Variants in ARID2 observed in about 807,000 individuals in gnomAD.
ARID2 encodes the protein AT-rich interaction domain 2.
In ARID2, 32 loss-of-function variants were observed where a neutral mutation model predicts 184.6. The observed-to-expected ratio is 0.17, with a 90% CI of 0.13 to 0.23. The LOEUF is 0.23. ARID2 is among the 10% of genes least tolerant of loss of function. ARID2 has a pLI of 1.00. For missense variants in ARID2, 1,696 were observed against 2,197.6 expected (o/e 0.77, Z 4.56); for synonymous variants, 836 against 772.6 (o/e 1.08, Z -1.36).
intron 3 of ARID2, among the ~76,000 whole-genome samples, chr12:45,788,710 G>C (rs538437301): frequency 3.9e-5 from 6 of 152,150 alleles, no homozygotes; most frequent in Admixed American, 2.6e-4. Context: ...TTTCCCAGCA[G>C]TGAGAGATGG....
At chr12:45,759,174 ATATTG>A (rs1941627914) in intron 3 of ARID2, among the ~76,000 whole-genome samples, 2 of 152,170 alleles carry the variant, frequency 1.3e-5, no homozygotes, top group Admixed American at 1.3e-4. Context: ...CTTTTTAAGT[ATATTG>A]TATTCTAGTT....
chr12:45,811,383 T>G (rs2138082246), intron 3 of ARID2, 35 bp from the exon 4 acceptor site: 3 of 1,586,826 alleles, frequency 1.9e-6, no homozygotes, highest in Non-Finnish European at 2.6e-6. Flanking sequence ...ATAAATCTAT[T>G]TTTAAATGTT....
At chr12:45,840,565 T>C (rs1353330403) in intron 11 of ARID2, 1 of 152,158 alleles carries the variant, frequency 6.6e-6, no homozygotes, top group East Asian at 1.9e-4. Flanking sequence ...AGGTCTCTTA[T>C]CCTCCCTCGC....
intron 16 of ARID2, among the ~76,000 whole-genome samples, chr12:45,877,792 A>G (rs957223062): frequency 6.6e-6 from 1 of 152,168 alleles, no homozygotes; most frequent in Non-Finnish European, 1.5e-5. Context: ...AGAAAAAGAA[A>G]TATTTTGCTT....
chr12:45,796,779 A>T (rs1037478683), intron 3 of ARID2, among the ~76,000 whole-genome samples: 2 of 152,108 alleles, frequency 1.3e-5, no homozygotes, highest in Non-Finnish European at 2.9e-5. Flanking sequence ...TCCCAGAGTG[A>T]ATACTGATGT....
chr12:45,796,881 G>A (rs1565599598), intron 3 of ARID2, among the ~76,000 whole-genome samples: 1 of 152,116 alleles, frequency 6.6e-6, no homozygotes, highest in East Asian at 1.9e-4. Context: ...TGTTTTTAAT[G>A]CTTTTATAGA....
At chr12:45,745,763 G>A (rs55671495) in intron 3 of ARID2, among the ~76,000 whole-genome samples, 3,590 of 152,188 alleles carry the variant, frequency 0.024, 157 homozygotes, top group African/African-American at 0.082. Flanking sequence ...TGGCCAGGCT[G>A]TTCTCGAACT....
chr12:45,745,231 GTAGT>G (rs1284557151), intron 3 of ARID2, among the ~76,000 whole-genome samples: 2 of 152,206 alleles, frequency 1.3e-5, no homozygotes, highest in African/African-American at 4.8e-5. Context: ...CAAGAAGTGT[GTAGT>G]TAGCTATAAT....
Position 45,857,592 on chromosome 12 carries a change from C to T in ARID2, c.4774-3209C>T, listed in dbSNP as rs1361521175. Among the ~76,000 whole-genome samples, 8 of 152,076 alleles carry T rather than the reference C, an allele frequency of 5.3e-5. 1 individual carries two copies. The East Asian group carries it at 1.5e-3, about 29-fold the overall frequency. ...TTAAGAAAATGAGGAAATGTTAGAG[C>T]TGAAGGGTCTCTGATATTATATCTT... On this transcript the variant is annotated intron_variant, in intron 15 of 20. Coordinates refer to ENST00000334344, the MANE Select transcript of ARID2 (RefSeq NM_152641.4).
intron 16 of ARID2, among the ~76,000 whole-genome samples, chr12:45,888,321 C>G (rs1944232453): frequency 6.6e-6 from 1 of 152,104 alleles, no homozygotes; most frequent in Admixed American, 6.6e-5. Context: ...AAGACAAGCT[C>G]TAAAATAAGA....
rs118067305 is a variant in ARID2 at position 45,782,486 on chromosome 12, G to A, written c.285-28932G>A. ...GTCTCTACTGAAAATACAAAAATTA[G>A]GTGGGCATGTTGTCAGATGCCTGCA... is the stretch of plus-strand genomic sequence containing the variant. On this transcript the variant is annotated intron_variant, in intron 3 of 20. Coordinates refer to ENST00000334344, the MANE Select transcript of ARID2 (RefSeq NM_152641.4). Among the ~76,000 whole-genome samples, 358 of 152,076 alleles carry A rather than the reference G, an allele frequency of 2.4e-3. 8 individuals carry two copies. The East Asian group carries it at 0.057, about 24-fold the overall frequency.
Position 45,851,981 on chromosome 12 carries a change from T to G in ARID2, c.3858T>G (p.Asn1286Lys), listed in dbSNP as rs2138175074. The change falls in exon 15 of 21, where the codon AAT becomes AAG. Residue 1286 changes from asparagine (N) to lysine (K), a missense_variant. Transcript: ENST00000334344. ...TNTSNGDTKE[N>K]EMHVGSLLNG... is the part of the protein sequence containing the mutation. ...CCAGCAATGGGGATACAAAGGAAAA[T>G]GAAATGCATGTGGGAAGTCTTTTAA... The G allele has an allele frequency of 6.2e-7, 1 of 1,612,154 alleles. No individual in the cohort carries two copies. Among genetic ancestry groups the G allele is most frequent in the Non-Finnish European group, 8.5e-7 (1 of 1,179,160 alleles).
At chr12:45,789,808 T>A (rs1942261866) in intron 3 of ARID2, among the ~76,000 whole-genome samples, 1 of 152,136 alleles carries the variant, frequency 6.6e-6, no homozygotes, top group Admixed American at 6.5e-5. Context: ...TTGAACCAAG[T>A]AATATATTTT....
chr12:45,828,601 C>G (rs1424138864), intron 6 of ARID2, among the ~76,000 whole-genome samples: 3 of 152,004 alleles, frequency 2.0e-5, no homozygotes, highest in Non-Finnish European at 4.4e-5. Flanking sequence ...ATGTCGGTTC[C>G]AGTTCCTCGT....
chr12:45,747,541 G>GGA (rs1941382777), intron 3 of ARID2, among the ~76,000 whole-genome samples: 1 of 151,988 alleles, frequency 6.6e-6, no homozygotes, highest in African/African-American at 2.4e-5. Context: ...AGGATCTCCT[G>GGA]TCACTTGGGG....
intron 16 of ARID2, among the ~76,000 whole-genome samples, chr12:45,886,142 T>TA (rs1565638582): frequency 6.6e-6 from 1 of 151,986 alleles, no homozygotes. Context: ...ACTTCCTAGA[T>TA]ACAGTGGGAT....
At chr12:45,885,735 A>G (rs1184381633) in intron 16 of ARID2, among the ~76,000 whole-genome samples, 1 of 152,224 alleles carries the variant, frequency 6.6e-6, no homozygotes, top group East Asian at 1.9e-4. Flanking sequence ...CCTTCTTCAC[A>G]TGGCAGCAGG....
intron 3 of ARID2, among the ~76,000 whole-genome samples, chr12:45,772,370 G>T (rs1363347378): frequency 6.6e-6 from 1 of 152,166 alleles, no homozygotes; most frequent in African/African-American, 2.4e-5. Flanking sequence ...TGGGAGGATT[G>T]CTTGAGCCCA....
At chr12:45,834,991 A>G (rs1269156211) in intron 6 of ARID2, among the ~76,000 whole-genome samples, 1 of 152,110 alleles carries the variant, frequency 6.6e-6, no homozygotes, top group African/African-American at 2.4e-5. Flanking sequence ...AGGAACTCCA[A>G]TTATTTGTAT....
Sources: gnomAD v4.1 joint callset for allele counts (sites outside exome capture counted in the v4.1 genomes callset) on GRCh38, gnomAD v4.1.1 for gene constraint, MANE v1.5 for transcripts, NCBI Gene and HGNC (gene_info 2026-07-23, HGNC 2026-07-21) for gene names.